Variants in UPF1 observed in about 807,000 individuals in gnomAD.
UPF1 encodes regulator of nonsense transcripts 1.
Under a neutral mutation model 129.2 loss-of-function variants are expected in UPF1, and 9 were observed. The observed-to-expected ratio is 0.07, with a 90% CI of 0.04 to 0.12. The LOEUF (loss-of-function observed/expected upper bound fraction) is 0.12, where lower values mean the gene tolerates loss of function less well. Ranked by LOEUF, UPF1 falls within the 10% of genes least tolerant of loss-of-function variation. The pLI is 1.00. For missense variants in UPF1, 788 were observed against 1,525.3 expected, an observed-to-expected ratio of 0.52 and a Z score of 8.05; for synonymous variants, 649 against 644.9, an observed-to-expected ratio of 1.01 and a Z score of -0.10.
rs537921425 is a variant in UPF1, at chr19:18,862,280, A to G, written c.2600+128A>G. 5 of 1,409,650 alleles carry G rather than the reference A, an allele frequency of 3.5e-6. No homozygotes were observed. In the East Asian group the frequency reaches 9.3e-5, roughly 26 times the overall value. 87.3% of individuals were successfully genotyped at this position (1,409,650 alleles called of 1,614,324 possible). ...GACTCTGAGCAGCAGTTGAGAAACG[A>G]TGTCTCACTGGAGAGATCTTTGTTT... On this transcript the variant is annotated intron_variant, in intron 18 of 23. Coordinates refer to ENST00000262803, the MANE Select transcript of UPF1 (RefSeq NM_002911.4).
At chr19:18,843,518 G>GTC (rs1555698278) in intron 1 of UPF1, among the ~76,000 whole-genome samples, 1 of 124,058 alleles carries the variant, frequency 8.1e-6, no homozygotes, top group African/African-American at 3.1e-5. Flanking sequence ...GACTTTCTTT[G>GTC]TTTTTTTTTT....
chr19:18,844,309 T>C, intron 1 of UPF1, among the ~76,000 whole-genome samples: 1 of 105,022 alleles, frequency 9.5e-6, no homozygotes, highest in South Asian at 3.8e-4. Context: ...CGGGGGGGGG[T>C]TTGGGTTTTT....
intron 1 of UPF1, among the ~76,000 whole-genome samples, chr19:18,844,936 G>A (rs1299891714): frequency 6.6e-6 from 1 of 152,268 alleles, no homozygotes; most frequent in Non-Finnish European, 1.5e-5. Context: ...TCACTGCAGG[G>A]CAGCATTGGG....
intron 13 of UPF1, 108 bp from the exon 14 acceptor site, chr19:18,856,769 C>T (rs2055722861): frequency 1.2e-5 from 18 of 1,441,244 alleles, no homozygotes; most frequent in Non-Finnish European, 1.7e-5. Flanking sequence ...TTTATAGTGT[C>T]AGGGAGGGTG....
At chr19:18,839,714 G>A (rs764786507) in intron 1 of UPF1, among the ~76,000 whole-genome samples, 2 of 152,186 alleles carry the variant, frequency 1.3e-5, no homozygotes, top group Admixed American at 6.5e-5. Context: ...CTGGACTTCA[G>A]CCATCCCCTG....
At chr19:18,843,631 G>A (rs1283980882) in intron 1 of UPF1, among the ~76,000 whole-genome samples, 1 of 147,912 alleles carries the variant, frequency 6.8e-6, no homozygotes, top group Non-Finnish European at 1.5e-5. Flanking sequence ...CGATTCTCCT[G>A]CACGGGGATT....
intron 1 of UPF1, among the ~76,000 whole-genome samples, chr19:18,835,663 T>C (rs932314108): frequency 6.6e-6 from 1 of 152,194 alleles, no homozygotes; most frequent in African/African-American, 2.4e-5. Flanking sequence ...TTTTTAAGGC[T>C]GAGTAATATT....
chr19:18,861,820 C>T (rs1482269471), intron 17 of UPF1, among the ~76,000 whole-genome samples, 190 bp from the exon 18 acceptor site: 1 of 152,176 alleles, frequency 6.6e-6, no homozygotes, highest in Non-Finnish European at 1.5e-5. Context: ...AGAGCAAGAT[C>T]CTGTCTCTAA....
intron 15 of UPF1, 183 bp from the exon 16 acceptor site, chr19:18,860,138 C>T (rs2055761791): frequency 4.7e-6 from 3 of 638,044 alleles, no homozygotes; most frequent in Non-Finnish European, 5.5e-6. Context: ...CTCAGCCTTG[C>T]CCAATCCTGG....
intron 8 of UPF1, 44 bp from the exon 9 acceptor site, chr19:18,854,557 C>T (rs982414869): frequency 6.5e-7 from 1 of 1,539,796 alleles, no homozygotes; most frequent in Non-Finnish European, 8.9e-7. Flanking sequence ...CCAGAAAGGT[C>T]AGCCCGGCTT....
chr19:18,857,749 C>T (rs1293529236), intron 15 of UPF1, among the ~76,000 whole-genome samples: 6 of 152,226 alleles, frequency 3.9e-5, no homozygotes, highest in African/African-American at 1.4e-4. Context: ...CTCTGTAAAA[C>T]TCAGTCATTG....
At position 18,850,296 on chromosome 19, in the gene UPF1, C is replaced by T; in HGVS notation, c.629+54C>T. 1 of 1,521,884 alleles carries T rather than the reference C, an allele frequency of 6.6e-7. No homozygotes were observed. Among genetic ancestry groups the T allele is most frequent in the Non-Finnish European group, 8.8e-7 (1 of 1,137,274 alleles). 94.3% of individuals were successfully genotyped at this position (1,521,884 alleles called of 1,614,324 possible). A position where few individuals can be genotyped will look rare whatever the true frequency, so the allele number is the denominator to read the frequency against. On this transcript the variant is annotated intron_variant, in intron 4 of 23. Transcript: ENST00000262803. The surrounding 1 kb of genome is among the most constrained non-coding windows in gnomAD (Gnocchi z 7.1). ...GTGACCTTTAAGCTCCAGCCGTCTCCTCACAAGCCTTGGCCCAGCCCAGCC... is the reference window on the plus strand; with the variant it reads ...GTGACCTTTAAGCTCCAGCCGTCTCTTCACAAGCCTTGGCCCAGCCCAGCC...
intron 1 of UPF1, among the ~76,000 whole-genome samples, chr19:18,839,532 A>C (rs1407829689): frequency 6.6e-6 from 1 of 152,166 alleles, no homozygotes; most frequent in East Asian, 1.9e-4. Context: ...CCCTGTGCTC[A>C]TGCCCAAGGT....
chr19:18,846,194 C>T (rs752163328), intron 2 of UPF1, 75 bp downstream of exon 2: 22 of 1,583,602 alleles, frequency 1.4e-5, no homozygotes, highest in Non-Finnish European at 1.9e-5. Flanking sequence ...GGACACTCAC[C>T]TCCCAGGTAC....
At chr19:18,863,698 C>A in intron 19 of UPF1, 86 bp downstream of exon 19, 1 of 1,460,868 alleles carries the variant, frequency 6.8e-7, no homozygotes, top group Non-Finnish European at 9.2e-7. Flanking sequence ...GGCCCGTGTG[C>A]CCGTGAGCTG....
At position 18,850,961 on chromosome 19, in the gene UPF1, C is replaced by A. The variant is rs143557026; in HGVS notation, c.810+93C>A. On this transcript the variant is annotated intron_variant, in intron 5 of 23. Coordinates refer to ENST00000262803, the MANE Select transcript of UPF1 (RefSeq NM_002911.4). This position sits in a 1 kb window ranked among gnomAD's most constrained non-coding sequence, Gnocchi z 7.1. Reference sequence around the variant, plus strand: ...CAGAGACGGCTTGACCCAGTGAGACCGCTGGAGATTCTCTGAAAGGAATTC... The same window carrying A: ...CAGAGACGGCTTGACCCAGTGAGACAGCTGGAGATTCTCTGAAAGGAATTC... The A allele has an allele frequency of 7.2e-7, 1 of 1,385,388 alleles. No individual in the cohort carries two copies. The highest frequency in any genetic ancestry group is 1.5e-5 in the African/African-American group (1 of 68,436). The allele number at this position is 1,385,388 out of a possible 1,614,324, so 85.8% of individuals were successfully genotyped here. A position where few individuals can be genotyped will look rare whatever the true frequency, so the allele number is the denominator to read the frequency against.
In UPF1 at chr19:18,849,985, G is replaced by A. The variant is rs574193164; in HGVS notation, c.462-90G>A. 1.5e-3 allele frequency: 2,333 copies of A among 1,529,716 alleles called. 49 individuals carry two copies. The South Asian group carries it at 0.024, about 16-fold the overall frequency. 94.8% of individuals were successfully genotyped at this position (1,529,716 alleles called of 1,614,324 possible). On this transcript the variant is annotated intron_variant, in intron 3 of 23. Coordinates refer to ENST00000262803, the MANE Select transcript of UPF1 (RefSeq NM_002911.4). ...CTGCCTCTGCTAATGGACCGTGAAC[G>A]GTACCGGAACTTTTAACAGGGGCCC... is the stretch of plus-strand genomic sequence containing the variant.
intron 12 of UPF1, 22 bp from the exon 13 acceptor site, chr19:18,856,164 G>C (rs2055715671): frequency 1.2e-6 from 2 of 1,604,704 alleles, no homozygotes; most frequent in Non-Finnish European, 8.5e-7. Flanking sequence ...CAGGCACCCT[G>C]CTGACCTGCA....
At chr19:18,840,206 C>T (rs2055526998) in intron 1 of UPF1, among the ~76,000 whole-genome samples, 1 of 152,126 alleles carries the variant, frequency 6.6e-6, no homozygotes, top group Non-Finnish European at 1.5e-5. Context: ...ACGGAGGACA[C>T]CGGGATCAGG....
Sources: gnomAD v4.1 joint callset for allele counts (sites outside exome capture counted in the v4.1 genomes callset) on GRCh38, gnomAD v4.1.1 for gene constraint, Gnocchi (gnomAD v3.1) non-coding constraint, MANE v1.5 for transcripts, NCBI Gene and HGNC (gene_info 2026-07-23, HGNC 2026-07-21) for gene names.